CCDC171: variants seen among roughly 807,000 people sequenced by gnomAD.
CCDC171 encodes the protein coiled-coil domain containing 171.
In CCDC171, 177 loss-of-function variants were observed where a neutral mutation model predicts 168.2. The observed-to-expected ratio is 1.05, with a 90% CI of 0.93 to 1.19. The LOEUF (loss-of-function observed/expected upper bound fraction) is 1.19. CCDC171 is among the 50% of genes most tolerant of loss of function. The probability of loss-of-function intolerance (pLI) is 0.00; values close to 1 mark genes in which losing one functional copy is unlikely to be tolerated. For missense variants in CCDC171, 1,991 were observed against 1,539.0 expected, an observed-to-expected ratio of 1.29 and a Z score of -4.91; for synonymous variants, 687 against 540.8, an observed-to-expected ratio of 1.27 and a Z score of -3.75.
chr9:15,747,565 A>T (rs960136204), intron 18 of CCDC171, among the ~76,000 whole-genome samples: 3 of 152,198 alleles, frequency 2.0e-5, no homozygotes, highest in African/African-American at 7.2e-5. Context: ...TCAGGCAGCA[A>T]TACTTGCTGT....
At chr9:15,986,382 G>A (rs1385626579) in intron 3 of CCDC171, among the ~76,000 whole-genome samples, 1 of 152,138 alleles carries the variant, frequency 6.6e-6, no homozygotes, top group Non-Finnish European at 1.5e-5. Context: ...CTTCAGAAAG[G>A]CTGTCTTGCT....
intron 21 of CCDC171, among the ~76,000 whole-genome samples, chr9:15,836,405 G>A (rs900535143): frequency 9.2e-5 from 14 of 151,902 alleles, no homozygotes; most frequent in African/African-American, 3.1e-4. Context: ...TCTCTCTGTC[G>A]CCCAGGCTGG....
the CCDC171 span, among the ~76,000 whole-genome samples, chr9:16,104,216 CCT>C: frequency 6.6e-6 from 1 of 152,072 alleles, no homozygotes; most frequent in Non-Finnish European, 1.5e-5. Flanking sequence ...CAGAAAAGCC[CCT>C]GTTGTTTTTG....
At chr9:15,559,222 G>T (rs547762390) in intron 1 of CCDC171, among the ~76,000 whole-genome samples, 1 of 151,996 alleles carries the variant, frequency 6.6e-6, no homozygotes, top group Non-Finnish European at 1.5e-5. Context: ...GATTTGGGGT[G>T]GAGAATTCTG....
At chr9:15,914,268 T>C (rs1488613348) in intron 24 of CCDC171, among the ~76,000 whole-genome samples, 1 of 152,168 alleles carries the variant, frequency 6.6e-6, no homozygotes, top group Non-Finnish European at 1.5e-5. Flanking sequence ...CCCCAGGTAC[T>C]CTGTCCCAGG....
rs2055967927 is a variant in CCDC171 at position 15,754,462 on chromosome 9, A to G, written c.2671+8831A>G. ...GGCAGTTGGTGGGTGGTAAAAAAAT[A>G]GTTGTCACCTTATTACTCATCTCAC... On this transcript the variant is annotated intron_variant, in intron 18 of 25. Coordinates refer to ENST00000380701, the MANE Select transcript of CCDC171 (RefSeq NM_173550.4). Among the ~76,000 whole-genome samples, 4 of 152,176 alleles carry G rather than the reference A, an allele frequency of 2.6e-5. No homozygotes were observed. In the South Asian group the frequency reaches 8.3e-4, roughly 31 times the overall value.
chr9:15,910,672 T>G (rs371886928), intron 24 of CCDC171, among the ~76,000 whole-genome samples: 73 of 152,192 alleles, frequency 4.8e-4, no homozygotes, highest in Non-Finnish European at 1.0e-3. Context: ...CATTAGGTAT[T>G]TCTCCTAATG....
intron 18 of CCDC171, among the ~76,000 whole-genome samples, chr9:15,770,657 C>G (rs994644730): frequency 1.3e-5 from 2 of 152,136 alleles, no homozygotes; most frequent in Non-Finnish European, 2.9e-5. Context: ...CCCCTCTCTC[C>G]ATTGTCCAAC....
At chr9:15,824,718 A>G (rs1000033861) in intron 21 of CCDC171, among the ~76,000 whole-genome samples, 3 of 152,108 alleles carry the variant, frequency 2.0e-5, no homozygotes, top group Non-Finnish European at 4.4e-5. Flanking sequence ...TCTTTGAATA[A>G]TGTGGTACCT....
chr9:15,918,212 A>T (rs1206869405), intron 24 of CCDC171, among the ~76,000 whole-genome samples: 3 of 151,724 alleles, frequency 2.0e-5, no homozygotes, highest in Non-Finnish European at 3.0e-5. Context: ...TACTGTAAAG[A>T]TAAATGAAAT....
chr9:15,776,504 A>T (rs1464096255), intron 18 of CCDC171, among the ~76,000 whole-genome samples: 1 of 152,206 alleles, frequency 6.6e-6, no homozygotes, highest in African/African-American at 2.4e-5. Flanking sequence ...GCTTTTATTC[A>T]CTTTATTTCC....
intron 4 of CCDC171, among the ~76,000 whole-genome samples, chr9:15,590,778 T>G (rs941714401): frequency 9.5e-6 from 1 of 105,122 alleles, no homozygotes; most frequent in Non-Finnish European, 2.1e-5. Context: ...TTTCTCTTTC[T>G]TTCTTTCTTT....
intron 1 of CCDC171, among the ~76,000 whole-genome samples, chr9:15,562,314 G>T (rs1042004691): frequency 1.3e-5 from 2 of 152,000 alleles, no homozygotes; most frequent in African/African-American, 4.8e-5. Context: ...CTTCTTTAAG[G>T]TCAGCAGGAG....
downstream of CCDC171, among the ~76,000 whole-genome samples, chr9:15,978,501 T>C (rs1196365184): frequency 2.0e-5 from 3 of 152,130 alleles, no homozygotes; most frequent in Non-Finnish European, 4.4e-5. Flanking sequence ...CTTTAATCTG[T>C]GGGGAGGCAG....
the CCDC171 span, among the ~76,000 whole-genome samples, chr9:16,100,734 C>A: frequency 6.6e-6 from 1 of 152,176 alleles, no homozygotes; most frequent in African/African-American, 2.4e-5. Flanking sequence ...CCAAGCCTCG[C>A]TCCCAAGGAA....
At chr9:15,648,747 A>C (rs2047252590) in intron 7 of CCDC171, among the ~76,000 whole-genome samples, 1 of 152,200 alleles carries the variant, frequency 6.6e-6, no homozygotes, top group African/African-American at 2.4e-5. Context: ...AAAATAAAAG[A>C]GGATACAAAC....
chr9:15,594,055 ACAT>A lies in CCDC171; in HGVS notation c.561_563del (p.His187del), dbSNP rs760680878. 1 of 1,588,880 alleles carries A rather than the reference ACAT, an allele frequency of 6.3e-7. No individual in the cohort carries two copies. The highest frequency in any genetic ancestry group is 1.2e-5 in the South Asian group (1 of 86,690). On this transcript the variant is annotated inframe_deletion, in exon 6 of 26. Transcript: ENST00000380701. ...TTTATATAAAGGAAGCGTTGGAAAA[ACAT>A]CAACGGGAGAAGAATGAGATGGAGT...
At chr9:16,030,584 T>G (rs942114873) in intron 6 of CCDC171, among the ~76,000 whole-genome samples, 1 of 152,176 alleles carries the variant, frequency 6.6e-6, no homozygotes, top group East Asian at 1.9e-4. Context: ...GTATGGTATG[T>G]TAAGGACAAA....
At chr9:15,681,815 G>T (rs2050059566) in intron 10 of CCDC171, among the ~76,000 whole-genome samples, 1 of 151,848 alleles carries the variant, frequency 6.6e-6, no homozygotes, top group Non-Finnish European at 1.5e-5. Flanking sequence ...CATAATTGTT[G>T]TTGACTGAAG....
Sources: gnomAD v4.1 joint callset for allele counts (sites outside exome capture counted in the v4.1 genomes callset) on GRCh38, gnomAD v4.1.1 for gene constraint, MANE v1.5 for transcripts, NCBI Gene and HGNC (gene_info 2026-07-23, HGNC 2026-07-21) for gene names.